SEMA6D: variants seen among roughly 807,000 people sequenced by gnomAD.
SEMA6D encodes the protein semaphorin-6D.
In SEMA6D, 35 loss-of-function variants were observed where a neutral mutation model predicts 106.6. The observed-to-expected ratio is 0.33, with a 90% CI of 0.25 to 0.44. The LOEUF (loss-of-function observed/expected upper bound fraction) is 0.44, where lower values mean the gene tolerates loss of function less well. SEMA6D is among the 20% of genes least tolerant of loss of function. The pLI is 1.00. For missense variants in SEMA6D, 1,185 were observed against 1,345.9 expected (o/e 0.88, Z 1.87); for synonymous variants, 499 against 487.7 (o/e 1.02, Z -0.31).
intron 1 of SEMA6D, among the ~76,000 whole-genome samples, chr15:47,758,159 A>G (rs969288122): frequency 6.6e-6 from 1 of 152,202 alleles, no homozygotes; most frequent in African/African-American, 2.4e-5. Flanking sequence ...AAACTGCTGC[A>G]ATATATTATT....
At chr15:47,278,339 T>C (rs1245135952) in intron 1 of SEMA6D, among the ~76,000 whole-genome samples, 1 of 152,242 alleles carries the variant, frequency 6.6e-6, no homozygotes, top group Admixed American at 6.5e-5. Context: ...ATTGTGGTTT[T>C]GATTTGCATT....
In SEMA6D at chr15:47,545,623, A is replaced by G. The variant is rs75441815; in HGVS notation, c.-86-55242A>G. ...TCCATTATTGGATTAATCTAAATCT[A>G]ACTTCTAAGATTTAAGTAAATATAA... On this transcript the variant is annotated intron_variant, in intron 3 of 19. Coordinates refer to the SEMA6D transcript ENST00000558014. Among the ~76,000 whole-genome samples the G allele has an allele frequency of 5.5e-3, 843 of 152,234 alleles. 8 individuals carry two copies. The highest frequency in any genetic ancestry group is 0.019 in the African/African-American group (806 of 41,554).
chr15:47,421,897 A>G (rs1169427679), intron 2 of SEMA6D, among the ~76,000 whole-genome samples: 2 of 152,090 alleles, frequency 1.3e-5, no homozygotes, highest in East Asian at 3.9e-4. Context: ...CTTTTCTAGA[A>G]TCTATAAATA....
intron 1 of SEMA6D, among the ~76,000 whole-genome samples, chr15:47,284,697 T>C (rs2035281483): frequency 6.6e-6 from 1 of 152,214 alleles, no homozygotes; most frequent in South Asian, 2.1e-4. Flanking sequence ...TGCATTGTTT[T>C]CCATATCTTC....
chr15:47,506,124 G>T (rs1016239920), intron 3 of SEMA6D, among the ~76,000 whole-genome samples: 6 of 152,052 alleles, frequency 3.9e-5, no homozygotes, highest in Non-Finnish European at 7.4e-5. Flanking sequence ...GCTTCCCCAG[G>T]GCCAGGCCTC....
intron 1 of SEMA6D, among the ~76,000 whole-genome samples, chr15:47,217,257 G>A (rs62017403): frequency 0.012 from 1,852 of 152,270 alleles, 41 homozygotes; most frequent in Admixed American, 0.012. Flanking sequence ...CAATGTTTCT[G>A]AAGGAAATTG....
chr15:47,277,391 G>T (rs9920009), intron 1 of SEMA6D, among the ~76,000 whole-genome samples: 66,787 of 151,454 alleles, frequency 0.44, 16,750 homozygotes, highest in Non-Finnish European at 0.57. Flanking sequence ...AAACTTCATT[G>T]TTGTCTTATT....
At chr15:47,214,544 G>C (rs900293580) in intron 1 of SEMA6D, among the ~76,000 whole-genome samples, 8 of 152,190 alleles carry the variant, frequency 5.3e-5, no homozygotes, top group Non-Finnish European at 1.0e-4. Flanking sequence ...AGACACTTGT[G>C]TTTAGAATAC....
At chr15:47,576,429 C>G (rs1341772079) in intron 3 of SEMA6D, among the ~76,000 whole-genome samples, 2 of 152,172 alleles carry the variant, frequency 1.3e-5, no homozygotes, top group African/African-American at 2.4e-5. Context: ...GGTGGAAAGA[C>G]AGGTGGGGTG....
chr15:47,503,718 T>C (rs980145804), intron 3 of SEMA6D, among the ~76,000 whole-genome samples: 2 of 127,802 alleles, frequency 1.6e-5, no homozygotes, highest in African/African-American at 3.0e-5. Flanking sequence ...CACACACACA[T>C]TCACACAAAT....
At chr15:47,236,100 A>G (rs1032185517) in intron 1 of SEMA6D, among the ~76,000 whole-genome samples, 2 of 152,110 alleles carry the variant, frequency 1.3e-5, no homozygotes, top group Non-Finnish European at 2.9e-5. Context: ...TAAAAATGTT[A>G]TCTGGATTGC....
intron 3 of SEMA6D, among the ~76,000 whole-genome samples, chr15:47,522,025 C>T (rs1219504883): frequency 6.6e-6 from 1 of 152,032 alleles, no homozygotes; most frequent in Admixed American, 6.6e-5. Flanking sequence ...CAGTAATGAC[C>T]TTTAAGGGAA....
At chr15:47,359,103 A>G (rs1204624886) in intron 1 of SEMA6D, among the ~76,000 whole-genome samples, 1 of 152,118 alleles carries the variant, frequency 6.6e-6, no homozygotes, top group Non-Finnish European at 1.5e-5. Flanking sequence ...ACATGTTTTA[A>G]GGGTGAGAAC....
At chr15:47,749,744 G>A (rs1055463973) in intron 1 of SEMA6D, among the ~76,000 whole-genome samples, 1 of 152,198 alleles carries the variant, frequency 6.6e-6, no homozygotes, top group East Asian at 1.9e-4. Flanking sequence ...TGTGGTGGAC[G>A]TGTGATCTGG....
intron 1 of SEMA6D, among the ~76,000 whole-genome samples, chr15:47,261,327 C>T (rs1478069354): frequency 2.0e-5 from 3 of 152,154 alleles, no homozygotes; most frequent in Non-Finnish European, 2.9e-5. Context: ...GTGAATATTA[C>T]TAAAAATTAT....
chr15:47,504,318 C>A (rs1407347451), intron 3 of SEMA6D, among the ~76,000 whole-genome samples: 2 of 152,142 alleles, frequency 1.3e-5, no homozygotes, highest in Non-Finnish European at 2.9e-5. Flanking sequence ...GTCCTCACCA[C>A]CCCCACCTTG....
At position 47,764,778 on chromosome 15, in the gene SEMA6D, C is replaced by T. The variant is rs755433746; in HGVS notation, c.1238C>T (p.Thr413Ile). 1 of 1,613,978 alleles carries T rather than the reference C, an allele frequency of 6.2e-7. No individual in the cohort carries two copies. The highest frequency in any genetic ancestry group is 1.7e-5 in the Admixed American group (1 of 60,016). Reference sequence around the variant, plus strand: ...CCCATTGCCGATGAGCCCTGGTTCACAAAGACTCGGGTCAGGTGAGATTGT... The same window carrying T: ...CCCATTGCCGATGAGCCCTGGTTCATAAAGACTCGGGTCAGGTGAGATTGT... Reference protein sequence around the residue: ...VPPIADEPWFTKTRVRYRLTA... With the variant: ...VPPIADEPWFIKTRVRYRLTA... The change falls in exon 12 of 19, where the codon ACA (threonine) becomes ATA (isoleucine). Residue 413 changes from threonine to isoleucine, a missense_variant. This residue lies in a region of SEMA6D where 291 missense variants were observed against 423.8 expected (regional missense o/e 0.69). Coordinates refer to ENST00000536845, the MANE Select transcript of SEMA6D (RefSeq NM_001358351.3).
At chr15:47,281,722 A>G (rs2142533998) in intron 1 of SEMA6D, among the ~76,000 whole-genome samples, 1 of 152,240 alleles carries the variant, frequency 6.6e-6, no homozygotes, top group African/African-American at 2.4e-5. Context: ...ATGTTAACAT[A>G]AATTTTATTT....
At chr15:47,362,539 C>T (rs367829045) in intron 1 of SEMA6D, among the ~76,000 whole-genome samples, 2 of 152,182 alleles carry the variant, frequency 1.3e-5, no homozygotes, top group Non-Finnish European at 2.9e-5. Context: ...TGCCTGCTGA[C>T]TACACCTCCC....
Sources: gnomAD v4.1 joint callset for allele counts (sites outside exome capture counted in the v4.1 genomes callset) on GRCh38, gnomAD v4.1.1 for gene constraint, gnomAD v4.1.1 regional missense constraint, MANE v1.5 for transcripts, NCBI Gene and HGNC (gene_info 2026-07-23, HGNC 2026-07-21) for gene names.